OXR1: variants seen among roughly 807,000 people sequenced by gnomAD.
OXR1 encodes oxidation resistance 1, also known as oxidation resistance protein 1.
Under a neutral mutation model 104.6 loss-of-function variants are expected in OXR1, and 41 were observed. That is an observed-to-expected ratio of 0.39 (90% CI 0.31 to 0.51). The LOEUF is 0.51. Among genes scored for constraint, OXR1 ranks in the 20% least tolerant of loss-of-function variants. OXR1 has a pLI of 0.77. For missense variants in OXR1, 955 were observed against 1,031.9 expected, an observed-to-expected ratio of 0.93 and a Z score of 1.02; for synonymous variants, 348 against 348.4, an observed-to-expected ratio of 1.00 and a Z score of 0.01.
At chr8:106,363,291 C>T (rs547789958) in intron 2 of OXR1, among the ~76,000 whole-genome samples, 9 of 152,202 alleles carry the variant, frequency 5.9e-5, no homozygotes, top group African/African-American at 1.2e-4. Context: ...ATGTGATAAG[C>T]GCTTTAAAAG....
chr8:106,699,224 GCTGA>G lies in OXR1; in HGVS notation c.676-3679_676-3676del, dbSNP rs528528877. ...CACGAACTATTCTTACTGTGTGGGC[GCTGA>G]CTATTGATTCTTCTGCTCCTTTCAA... On this transcript the variant is annotated intron_variant, in intron 7 of 16. Transcript: ENST00000517566. Among the ~76,000 whole-genome samples, 125 of 152,088 alleles carry G rather than the reference GCTGA, an allele frequency of 8.2e-4. 1 individual carries two copies. Among genetic ancestry groups the G allele is most frequent in the Admixed American group, 3.9e-3 (59 of 15,274 alleles).
intron 1 of OXR1, among the ~76,000 whole-genome samples, chr8:106,357,922 T>C (rs1816048971): frequency 6.6e-6 from 1 of 152,118 alleles, no homozygotes; most frequent in Admixed American, 6.6e-5. Flanking sequence ...TCTGCCAGTA[T>C]CCACTTCCCC....
chr8:106,309,109 G>A (rs1546330), intron 1 of OXR1, among the ~76,000 whole-genome samples: 45,443 of 151,662 alleles, frequency 0.3, 7,097 homozygotes, highest in East Asian at 0.56. Flanking sequence ...CTGACAAGTA[G>A]CTAGGAACAA....
intron 7 of OXR1, among the ~76,000 whole-genome samples, chr8:106,696,083 T>G (rs1438936969): frequency 6.6e-6 from 1 of 152,202 alleles, no homozygotes; most frequent in Non-Finnish European, 1.5e-5. Flanking sequence ...ATTAGTTTCA[T>G]TGGGCTGAAA....
intron 3 of OXR1, among the ~76,000 whole-genome samples, chr8:106,601,546 C>T (rs1819971047): frequency 6.6e-6 from 1 of 152,152 alleles, no homozygotes; most frequent in Non-Finnish European, 1.5e-5. Context: ...CCCCCATTTC[C>T]TAATATAACC....
intron 1 of OXR1, among the ~76,000 whole-genome samples, chr8:106,325,645 A>C (rs1339642326): frequency 6.6e-6 from 1 of 152,160 alleles, no homozygotes; most frequent in East Asian, 1.9e-4. Context: ...TTTTTAGTAC[A>C]AGTCAGTCCT....
At chr8:106,587,836 A>G (rs1183549186) in intron 3 of OXR1, among the ~76,000 whole-genome samples, 1 of 152,228 alleles carries the variant, frequency 6.6e-6, no homozygotes, top group African/African-American at 2.4e-5. Context: ...AGAGGAAAAG[A>G]AAATGGTACT....
intron 8 of OXR1, 142 bp downstream of exon 8, chr8:106,703,232 GAGA>G (rs1318005358): frequency 1.8e-6 from 1 of 565,876 alleles, no homozygotes; most frequent in Non-Finnish European, 3.1e-6. Context: ...ATGCATTATT[GAGA>G]AGATTATTCT....
At chr8:106,709,588 T>TGG (rs766440509) in intron 9 of OXR1, among the ~76,000 whole-genome samples, 401 of 151,372 alleles carry the variant, frequency 2.6e-3, no homozygotes, top group South Asian at 8.2e-3. Flanking sequence ...CCAATTTTGT[T>TGG]GTGGGGGTTG....
At chr8:106,520,193 G>A (rs1367188488) in intron 3 of OXR1, among the ~76,000 whole-genome samples, 1 of 152,062 alleles carries the variant, frequency 6.6e-6, no homozygotes, top group Non-Finnish European at 1.5e-5. Context: ...TTTGCTTTAA[G>A]ATGATTGAAA....
chr8:106,316,490 G>T lies in OXR1; in HGVS notation c.-138-42986G>T, dbSNP rs139381851. On this transcript the variant is annotated intron_variant, in intron 1 of 16. Coordinates refer to ENST00000517566, the MANE Select transcript of OXR1 (RefSeq NM_001198533.2). ...TTCTTACCTCTGTTGGTCATTGAGG[G>T]TTATAACCATTTACTTAGAGTGATT... Among the ~76,000 whole-genome samples the T allele has an allele frequency of 5.0e-3, 763 of 152,202 alleles. 5 individuals carry two copies. Among genetic ancestry groups the T allele is most frequent in the African/African-American group, 0.018 (736 of 41,518 alleles).
At position 106,590,988 on chromosome 8, in the gene OXR1, A is replaced by G. The variant is rs565527814; in HGVS notation, c.220+71849A>G. Among the ~76,000 whole-genome samples the G allele has an allele frequency of 2.6e-5, 4 of 152,198 alleles. No homozygotes were observed. In the South Asian group the frequency reaches 8.3e-4, roughly 32 times the overall value. On this transcript the variant is annotated intron_variant, in intron 3 of 16. Transcript: ENST00000517566. The stretch of plus-strand genomic sequence containing the variant: ...TTTGAGATAAGTACATAGTTAGATA[A>G]GCTTGCCCTGTGGGGAGCATCTGGT...
At chr8:106,562,091 C>T (rs1816727098) in intron 3 of OXR1, among the ~76,000 whole-genome samples, 1 of 152,022 alleles carries the variant, frequency 6.6e-6, no homozygotes, top group Non-Finnish European at 1.5e-5. Flanking sequence ...AACTCCTCAC[C>T]AGCAGGGGAA....
intron 7 of OXR1, among the ~76,000 whole-genome samples, chr8:106,699,830 G>C (rs1830431462): frequency 6.6e-6 from 1 of 152,000 alleles, no homozygotes; most frequent in South Asian, 2.1e-4. Context: ...CTTCCTACAA[G>C]TTGATTATAC....
chr8:106,325,613 A>C (rs1814439018), intron 1 of OXR1, among the ~76,000 whole-genome samples: 1 of 152,206 alleles, frequency 6.6e-6, no homozygotes, highest in South Asian at 2.1e-4. Context: ...TGCTCAGTAC[A>C]TGTGATTCTT....
chr8:106,454,320 G>A (rs183345584), intron 2 of OXR1, among the ~76,000 whole-genome samples: 49 of 152,012 alleles, frequency 3.2e-4, no homozygotes, highest in Admixed American at 3.0e-3. Context: ...AATTAGCCAG[G>A]CGTGGTGACA....
At chr8:106,295,493 CATT>C (rs948772684) in intron 1 of OXR1, among the ~76,000 whole-genome samples, 1 of 151,954 alleles carries the variant, frequency 6.6e-6, no homozygotes, top group South Asian at 2.1e-4. Flanking sequence ...ATGCACGACT[CATT>C]ATATGCATAA....
In OXR1 at chr8:106,525,606, G is replaced by A. The variant is rs369203118; in HGVS notation, c.220+6467G>A. On this transcript the variant is annotated intron_variant, in intron 3 of 16. Coordinates refer to ENST00000517566, the MANE Select transcript of OXR1 (RefSeq NM_001198533.2). Reference sequence around the variant, plus strand: ...CCACCTAAATGCTCTCTGCAACTTCGTAGAAAAGCCAGAAAAGCTTTCAGT... The same window carrying A: ...CCACCTAAATGCTCTCTGCAACTTCATAGAAAAGCCAGAAAAGCTTTCAGT... Among the ~76,000 whole-genome samples, 34 of 152,228 alleles carry A rather than the reference G, an allele frequency of 2.2e-4. No individual in the cohort carries two copies. In the South Asian group the frequency reaches 5.8e-3, roughly 26 times the overall value.
At chr8:106,514,135 T>C (rs1346845316) in intron 2 of OXR1, among the ~76,000 whole-genome samples, 1 of 152,142 alleles carries the variant, frequency 6.6e-6, no homozygotes, top group East Asian at 1.9e-4. Context: ...GCAGTGCCTA[T>C]TAAGAGCTTA....
Sources: allele counts gnomAD v4.1 joint callset (sites outside exome capture counted in the v4.1 genomes callset), GRCh38; gene constraint gnomAD v4.1.1; transcripts MANE v1.5; gene names NCBI Gene and HGNC (gene_info 2026-07-23, HGNC 2026-07-21).